STPG2: variants seen among roughly 807,000 people sequenced by gnomAD.
STPG2 encodes sperm-tail PG-rich repeat-containing protein 2.
STPG2 carries 56 observed loss-of-function variants against 54.2 expected under a neutral mutation model. That is an observed-to-expected ratio of 1.03 (90% CI 0.83 to 1.29). STPG2 has a LOEUF of 1.29. STPG2 is among the 50% of genes most tolerant of loss of function. The pLI is 0.00. For synonymous variants in STPG2, 200 were observed against 181.8 expected (o/e 1.10, Z -0.81); for missense variants, 596 against 544.9 (o/e 1.09, Z -0.93).
chr4:98,009,624 G>A (rs1490985937), intron 5 of STPG2, among the ~76,000 whole-genome samples: 1 of 148,374 alleles, frequency 6.7e-6, no homozygotes, highest in Non-Finnish European at 1.5e-5. Flanking sequence ...CAAATCCAAT[G>A]TTTCCTTACT....
intron 8 of STPG2, among the ~76,000 whole-genome samples, chr4:97,940,081 A>T (rs1003236530): frequency 1.3e-5 from 2 of 152,186 alleles, no homozygotes; most frequent in African/African-American, 4.8e-5. Flanking sequence ...GCTGGATATA[A>T]AATTCTTGGT....
chr4:98,062,708 C>T (rs982120397), intron 5 of STPG2, among the ~76,000 whole-genome samples: 10 of 151,500 alleles, frequency 6.6e-5, no homozygotes, highest in Non-Finnish European at 1.5e-4. Flanking sequence ...CAGTTTTTGC[C>T]GTTACTTTGA....
intron 7 of STPG2, among the ~76,000 whole-genome samples, chr4:97,944,745 A>G (rs1578717772): frequency 6.6e-6 from 1 of 152,204 alleles, no homozygotes; most frequent in Admixed American, 6.6e-5. Flanking sequence ...TAATAGACAT[A>G]TTTCTTTCTT....
intron 4 of STPG2, among the ~76,000 whole-genome samples, chr4:97,515,847 T>C (rs1177495633): frequency 6.6e-6 from 1 of 152,066 alleles, no homozygotes; most frequent in Non-Finnish European, 1.5e-5. Flanking sequence ...TATGTATATA[T>C]GTACACACAC....
chr4:98,039,683 C>CGT (rs1736887262), intron 5 of STPG2, among the ~76,000 whole-genome samples: 1 of 102,036 alleles, frequency 9.8e-6, no homozygotes, highest in Non-Finnish European at 2.2e-5. Context: ...ATATGTGATA[C>CGT]ATATATATAT....
chr4:97,929,711 T>C (rs1484008265), intron 8 of STPG2, among the ~76,000 whole-genome samples: 13 of 152,184 alleles, frequency 8.5e-5, no homozygotes. Flanking sequence ...TTTGCCCACT[T>C]TTTAATGGGG....
At chr4:97,473,112 T>C (rs1438045341) in intron 4 of STPG2, among the ~76,000 whole-genome samples, 1 of 151,962 alleles carries the variant, frequency 6.6e-6, no homozygotes, top group Non-Finnish European at 1.5e-5. Context: ...CAGGACCCTG[T>C]GATAATTGCG....
intron 5 of STPG2, among the ~76,000 whole-genome samples, chr4:98,022,577 T>G (rs567515593): frequency 9.3e-4 from 142 of 152,076 alleles, no homozygotes; most frequent in Middle Eastern, 6.8e-3. Context: ...CTTGCTAGAT[T>G]GGGGAAGTTC....
At chr4:97,690,739 C>T (rs899707478) in intron 10 of STPG2, among the ~76,000 whole-genome samples, 1 of 152,078 alleles carries the variant, frequency 6.6e-6, no homozygotes, top group African/African-American at 2.4e-5. Context: ...ATATTTCTTT[C>T]TTTCAACTTC....
intron 5 of STPG2, among the ~76,000 whole-genome samples, chr4:98,055,098 G>A (rs1397714286): frequency 6.6e-6 from 1 of 152,088 alleles, no homozygotes; most frequent in Middle Eastern, 3.2e-3. Flanking sequence ...GAGAGGACTA[G>A]ATCATGAAGA....
intron 9 of STPG2, among the ~76,000 whole-genome samples, chr4:97,772,164 T>A (rs1726241126): frequency 6.6e-6 from 1 of 152,118 alleles, no homozygotes; most frequent in African/African-American, 2.4e-5. Context: ...AAAGGTAAAT[T>A]TTGGAGCTAA....
At chr4:97,658,335 CAA>C (rs1365489672) in intron 10 of STPG2, among the ~76,000 whole-genome samples, 1 of 152,112 alleles carries the variant, frequency 6.6e-6, no homozygotes, top group Non-Finnish European at 1.5e-5. Flanking sequence ...ACACTAGCTC[CAA>C]ATATATTAAG....
At chr4:97,983,832 T>C (rs1222702755) in intron 5 of STPG2, among the ~76,000 whole-genome samples, 2 of 152,126 alleles carry the variant, frequency 1.3e-5, no homozygotes, top group Non-Finnish European at 1.5e-5. Context: ...AACACACACA[T>C]ACATATATAC....
chr4:98,063,166 C>G (rs548602089), intron 5 of STPG2, among the ~76,000 whole-genome samples: 26 of 152,068 alleles, frequency 1.7e-4, no homozygotes, highest in Non-Finnish European at 3.1e-4. Context: ...AAAAATCAAT[C>G]TAGGCTGGGC....
intron 8 of STPG2, among the ~76,000 whole-genome samples, chr4:97,896,754 A>G (rs1046981040): frequency 1.3e-5 from 2 of 151,848 alleles, no homozygotes; most frequent in Non-Finnish European, 3.0e-5. Context: ...TTTATAGCAT[A>G]AAATGTTTAT....
chr4:97,570,929 G>A (rs1368806028), intron 10 of STPG2, among the ~76,000 whole-genome samples: 1 of 151,856 alleles, frequency 6.6e-6, no homozygotes, highest in Non-Finnish European at 1.5e-5. Context: ...TCAGTCTTTC[G>A]TTACAGGGGT....
intron 9 of STPG2, among the ~76,000 whole-genome samples, chr4:97,719,757 G>C (rs1439390892): frequency 6.6e-6 from 1 of 151,820 alleles, no homozygotes; most frequent in Non-Finnish European, 1.5e-5. Flanking sequence ...AAGCTACCTA[G>C]AATCTACTTC....
intron 9 of STPG2, among the ~76,000 whole-genome samples, chr4:97,808,478 T>C (rs1727638731): frequency 6.6e-6 from 1 of 151,750 alleles, no homozygotes; most frequent in African/African-American, 2.4e-5. Context: ...TCCAAGCTAA[T>C]ATAAAAATAT....
intron 8 of STPG2, among the ~76,000 whole-genome samples, chr4:97,854,883 C>G (rs2149134626): frequency 6.6e-6 from 1 of 152,262 alleles, no homozygotes; most frequent in Non-Finnish European, 1.5e-5. Flanking sequence ...GCTATTCTTC[C>G]TGATGCTCTC....
Sources: gnomAD v4.1 joint callset for allele counts (sites outside exome capture counted in the v4.1 genomes callset) on GRCh38, gnomAD v4.1.1 for gene constraint, MANE v1.5 for transcripts, NCBI Gene and HGNC (gene_info 2026-07-23, HGNC 2026-07-21) for gene names.